Variants in PTPRN2 observed in about 807,000 individuals in gnomAD.
PTPRN2 encodes the protein receptor-type tyrosine-protein phosphatase N2.
In PTPRN2, 74 loss-of-function variants were observed where a neutral mutation model predicts 118.8. That is an observed-to-expected ratio of 0.62 (90% CI 0.52 to 0.76). The LOEUF (loss-of-function observed/expected upper bound fraction) is 0.76. Among genes scored for constraint, PTPRN2 ranks in the 30% least tolerant of loss-of-function variants. The probability of loss-of-function intolerance (pLI) is 0.00; values close to 1 mark genes in which losing one functional copy is unlikely to be tolerated. For missense variants in PTPRN2, 1,481 were observed against 1,394.4 expected (o/e 1.06, Z -0.99); for synonymous variants, 641 against 608.0 (o/e 1.05, Z -0.80).
intron 3 of PTPRN2, among the ~76,000 whole-genome samples, chr7:158,293,034 C>T (rs1222110264): frequency 6.6e-6 from 1 of 152,050 alleles, no homozygotes; most frequent in Admixed American, 6.5e-5. Context: ...CGTCACTGCA[C>T]TCCAGCCTGG....
chr7:157,642,056 C>T (rs1036692490), intron 14 of PTPRN2, among the ~76,000 whole-genome samples: 1 of 152,238 alleles, frequency 6.6e-6, no homozygotes, highest in Non-Finnish European at 1.5e-5. Flanking sequence ...CAAATGTCCA[C>T]CTCAAGTCTC....
rs79683068 is a variant in PTPRN2, at chr7:157,939,838, G to A, written c.1724-41101C>T. Among the ~76,000 whole-genome samples, 158 of 152,340 alleles carry A rather than the reference G, an allele frequency of 1.0e-3. 1 individual carries two copies. The highest frequency in any genetic ancestry group is 3.6e-3 in the African/African-American group (149 of 41,578). On this transcript the variant is annotated intron_variant, in intron 11 of 22. Transcript: ENST00000389418. ...CACCCGAGAAGGAGAAGGTTGCTACGTATGTGTCTACAAATGCCACAGGTC... is the reference window on the plus strand; with the variant it reads ...CACCCGAGAAGGAGAAGGTTGCTACATATGTGTCTACAAATGCCACAGGTC...
chr7:158,304,551 A>ACATGCTAG (rs1321811669), intron 3 of PTPRN2, among the ~76,000 whole-genome samples: 2 of 152,076 alleles, frequency 1.3e-5, no homozygotes, highest in East Asian at 3.8e-4. Context: ...TTGGATTTCT[A>ACATGCTAG]CATGCTAGAG....
intron 1 of PTPRN2, among the ~76,000 whole-genome samples, chr7:158,577,124 A>G (rs1191105103): frequency 8.8e-5 from 9 of 102,452 alleles, no homozygotes; most frequent in Admixed American, 3.3e-4. Flanking sequence ...GAGGGCTCCC[A>G]GCCCTCCTGA....
At chr7:158,252,395 T>A (rs1392804358) in intron 3 of PTPRN2, among the ~76,000 whole-genome samples, 1 of 152,178 alleles carries the variant, frequency 6.6e-6, no homozygotes, top group Admixed American at 6.6e-5. Flanking sequence ...GGCGGCCAAC[T>A]GGGCAGCGGG....
intron 2 of PTPRN2, among the ~76,000 whole-genome samples, chr7:158,401,064 TAA>T (rs1021572497): frequency 1.5e-4 from 23 of 152,168 alleles, no homozygotes; most frequent in African/African-American, 4.6e-4. Context: ...ATGCAGAATC[TAA>T]AAGAGAAAGC....
chr7:158,452,191 G>T (rs1289608852), intron 2 of PTPRN2, among the ~76,000 whole-genome samples: 1 of 129,354 alleles, frequency 7.7e-6, no homozygotes, highest in Non-Finnish European at 1.7e-5. Flanking sequence ...AAGACTCAAC[G>T]CCCCACACAC....
At chr7:158,141,175 G>A (rs1371175934) in intron 6 of PTPRN2, among the ~76,000 whole-genome samples, 3 of 152,180 alleles carry the variant, frequency 2.0e-5, no homozygotes, top group Non-Finnish European at 2.9e-5. Context: ...GAGGGATCTC[G>A]GCACAATCCT....
chr7:158,450,807 C>T (rs563216485), intron 2 of PTPRN2, among the ~76,000 whole-genome samples: 7 of 152,362 alleles, frequency 4.6e-5, no homozygotes, highest in East Asian at 3.9e-4. Flanking sequence ...GCCACCTACG[C>T]GCTTCCTTGC....
intron 2 of PTPRN2, among the ~76,000 whole-genome samples, chr7:158,428,885 T>C (rs1815958303): frequency 6.6e-6 from 1 of 152,238 alleles, no homozygotes; most frequent in African/African-American, 2.4e-5. Context: ...GCTACCGTCA[T>C]GCAGATCGTC....
chr7:158,244,559 T>TG (rs1796078690), intron 3 of PTPRN2, among the ~76,000 whole-genome samples: 2 of 116,720 alleles, frequency 1.7e-5, no homozygotes, highest in Non-Finnish European at 3.7e-5. Flanking sequence ...TTGTGTGTGT[T>TG]TTGTGTGAAA....
At chr7:158,363,827 AGAG>A (rs1354542833) in intron 2 of PTPRN2, among the ~76,000 whole-genome samples, 1 of 152,132 alleles carries the variant, frequency 6.6e-6, no homozygotes, top group African/African-American at 2.4e-5. Flanking sequence ...CAGGTCAGGG[AGAG>A]GAGGTGGCCG....
intron 6 of PTPRN2, among the ~76,000 whole-genome samples, chr7:158,159,901 G>T (rs1440667226): frequency 6.6e-6 from 1 of 150,496 alleles, no homozygotes; most frequent in African/African-American, 2.4e-5. Context: ...AATCTCAAAA[G>T]ATACAGTCCC....
intron 2 of PTPRN2, among the ~76,000 whole-genome samples, chr7:158,358,119 C>G (rs1231070730): frequency 6.6e-6 from 1 of 152,244 alleles, no homozygotes; most frequent in Admixed American, 6.5e-5. Context: ...ACAGTGGGAA[C>G]AGCAGCCCGG....
At chr7:158,284,577 C>T (rs1249209921) in intron 3 of PTPRN2, among the ~76,000 whole-genome samples, 1 of 152,172 alleles carries the variant, frequency 6.6e-6, no homozygotes, top group East Asian at 1.9e-4. Flanking sequence ...ATTATGGACT[C>T]TTTCTGAACT....
At position 157,629,442 on chromosome 7, in the gene PTPRN2, G is replaced by A. The variant is rs1156502901; in HGVS notation, c.2197-7933C>T. ...AATAATGAGAATAAACTCCCACCAT[G>A]CAATACTAAAACTCCTAAGGAGTCC... On this transcript the variant is annotated intron_variant, in intron 14 of 22. Transcript: ENST00000389418. This position sits in a 1 kb window ranked among gnomAD's most constrained non-coding sequence, Gnocchi z 4.4. 6.6e-6 allele frequency among the ~76,000 whole-genome samples: 1 copy of A among 152,092 alleles called. No individual in the cohort carries two copies. Among genetic ancestry groups the A allele is most frequent in the Non-Finnish European group, 1.5e-5 (1 of 68,030 alleles).
chr7:158,527,485 A>T (rs1291593241), intron 1 of PTPRN2, among the ~76,000 whole-genome samples: 1 of 152,188 alleles, frequency 6.6e-6, no homozygotes, highest in Admixed American at 6.5e-5. Flanking sequence ...TGGAGGCCTC[A>T]CCAGCCCCAG....
chr7:157,745,454 G>A (rs1350888761), intron 12 of PTPRN2, among the ~76,000 whole-genome samples: 2 of 151,810 alleles, frequency 1.3e-5, no homozygotes, highest in Non-Finnish European at 2.9e-5. Flanking sequence ...ACAGGCTGTG[G>A]GAGGCAGGCT....
chr7:158,406,428 C>T (rs901982929), intron 2 of PTPRN2, among the ~76,000 whole-genome samples: 4 of 145,886 alleles, frequency 2.7e-5, no homozygotes, highest in Non-Finnish European at 6.1e-5. Flanking sequence ...GTGGCTCATC[C>T]GTGAGACATG....
Sources: gnomAD v4.1 joint callset for allele counts (sites outside exome capture counted in the v4.1 genomes callset) on GRCh38, gnomAD v4.1.1 for gene constraint, Gnocchi (gnomAD v3.1) non-coding constraint, MANE v1.5 for transcripts, NCBI Gene and HGNC (gene_info 2026-07-23, HGNC 2026-07-21) for gene names.